SENP5: variants seen among roughly 807,000 people sequenced by gnomAD.
SENP5 encodes SUMO specific peptidase 5.
Under a neutral mutation model 74.2 loss-of-function variants are expected in SENP5, and 21 were observed. The observed-to-expected ratio is 0.28, with a 90% CI of 0.20 to 0.41. The LOEUF is 0.41. Among genes scored for constraint, SENP5 ranks in the 10% least tolerant of loss-of-function variants. The pLI, the probability that SENP5 is intolerant of heterozygous loss-of-function variation, is 1.00. For synonymous variants in SENP5, 311 were observed against 312.7 expected, an observed-to-expected ratio of 0.99 and a Z score of 0.06; for missense variants, 717 against 889.1, an observed-to-expected ratio of 0.81 and a Z score of 2.46.
intron 1 of SENP5, among the ~76,000 whole-genome samples, chr3:196,875,655 T>C (rs1386179963): frequency 6.6e-6 from 1 of 152,192 alleles, no homozygotes; most frequent in East Asian, 1.9e-4. Context: ...AATAATTTCT[T>C]CAGAGAGGTG....
rs1690733503 is a variant in SENP5 at position 196,878,763 on chromosome 3, T to C, written c.-31-6388T>C. On this transcript the variant is annotated intron_variant, in intron 1 of 9. Transcript: ENST00000323460. ...CCCGCCACCATGTCTGGCTCATTTT[T>C]GTATTTTTAGTAGAGACAAGGTTTC... Among the ~76,000 whole-genome samples the C allele has an allele frequency of 2.0e-5, 3 of 152,112 alleles. 1 individual carries two copies. The South Asian group carries it at 6.2e-4, about 32-fold the overall frequency.
At chr3:196,920,558 T>C (rs1349800460) in intron 6 of SENP5, among the ~76,000 whole-genome samples, 1 of 152,198 alleles carries the variant, frequency 6.6e-6, no homozygotes, top group African/African-American at 2.4e-5. Flanking sequence ...CTGGCTGCAG[T>C]GTTGAATAGA....
intron 2 of SENP5, among the ~76,000 whole-genome samples, chr3:196,889,123 AT>A (rs780250222): frequency 8.9e-4 from 135 of 151,960 alleles, no homozygotes; most frequent in Non-Finnish European, 1.5e-3. Context: ...CTCAAAAAAA[AT>A]AAAAATAAAT....
At chr3:196,928,927 C>A (rs1401207389) in intron 8 of SENP5, among the ~76,000 whole-genome samples, 2 of 152,184 alleles carry the variant, frequency 1.3e-5, no homozygotes, top group Non-Finnish European at 2.9e-5. Flanking sequence ...CAGTGGCTCA[C>A]ACCTGTAATC....
intron 6 of SENP5, among the ~76,000 whole-genome samples, chr3:196,905,842 T>C (rs1237332274): frequency 1.3e-5 from 2 of 152,182 alleles, no homozygotes; most frequent in Non-Finnish European, 2.9e-5. Context: ...TGGGTGGGGC[T>C]GAAAGTCACA....
intron 1 of SENP5, among the ~76,000 whole-genome samples, chr3:196,870,631 T>C (rs563824102): frequency 6.6e-6 from 1 of 152,000 alleles, no homozygotes; most frequent in Non-Finnish European, 1.5e-5. Context: ...GATTGTCCTG[T>C]CTCAGCCTCC....
Position 196,934,009 on chromosome 3 carries a change from T to C in SENP5, c.*3086T>C, listed in dbSNP as rs1443602405. On this transcript the variant is annotated 3_prime_UTR_variant, in exon 10 of 10. Transcript: ENST00000323460. ...TCCTCTCCTCAGCAGACGCATCAGG[T>C]TGTAGTTGCATCTTTACAGTGGTCT... 1.3e-5 allele frequency: 2 copies of C among 152,186 alleles called. No homozygotes were observed. Among genetic ancestry groups the C allele is most frequent in the African/African-American group, 4.8e-5 (2 of 41,430 alleles). 9.4% of individuals were successfully genotyped at this position (152,186 alleles called of 1,614,324 possible).
chr3:196,893,383 T>A (rs1351419485), intron 2 of SENP5, among the ~76,000 whole-genome samples: 1 of 152,222 alleles, frequency 6.6e-6, no homozygotes, highest in Admixed American at 6.5e-5. Context: ...AAAAGTTAGA[T>A]GAAAATTTAA....
At position 196,886,273 on chromosome 3, in the gene SENP5, T is replaced by C. The variant is rs769370353; in HGVS notation, c.1092T>C (p.Pro364=). Residue 364 remains proline (P), a synonymous_variant, in exon 2 of 10, where the codon CCT becomes CCC. Coordinates refer to ENST00000323460, the MANE Select transcript of SENP5 (RefSeq NM_152699.5). ...NAWDQSSCSS[P]KWECTELIHD... Reference sequence around the variant, plus strand: ...GGGACCAGTCATCCTGTTCTTCTCCTAAGTGGGAGTGTACAGAGCTGATTC... The same window carrying C: ...GGGACCAGTCATCCTGTTCTTCTCCCAAGTGGGAGTGTACAGAGCTGATTC... 3 of 1,614,028 alleles carry C rather than the reference T, an allele frequency of 1.9e-6. No homozygotes were observed. The highest frequency in any genetic ancestry group is 2.5e-6 in the Non-Finnish European group (3 of 1,180,010).
At chr3:196,874,544 C>G (rs928859754) in intron 1 of SENP5, among the ~76,000 whole-genome samples, 40 of 152,184 alleles carry the variant, frequency 2.6e-4, no homozygotes, top group African/African-American at 9.6e-4. Context: ...GACCTTATCT[C>G]CCTGGTCATT....
At chr3:196,887,879 T>A (rs1714041800) in intron 2 of SENP5, among the ~76,000 whole-genome samples, 1 of 152,148 alleles carries the variant, frequency 6.6e-6, no homozygotes, top group Non-Finnish European at 1.5e-5. Context: ...GCAGTTCTCC[T>A]GCCTCAGCCT....
chr3:196,874,899 G>T (rs546241019), intron 1 of SENP5, among the ~76,000 whole-genome samples: 1 of 151,970 alleles, frequency 6.6e-6, no homozygotes, highest in East Asian at 1.9e-4. Flanking sequence ...GAGTTCCTTG[G>T]GCTATTGCCC....
At chr3:196,910,883 C>T (rs939011563) in intron 6 of SENP5, among the ~76,000 whole-genome samples, 1 of 152,080 alleles carries the variant, frequency 6.6e-6, no homozygotes, top group Non-Finnish European at 1.5e-5. Flanking sequence ...GCATATAGAC[C>T]AATGGAACAG....
At position 196,886,175 on chromosome 3, in the gene SENP5, T is replaced by C. The variant is rs1560143368; in HGVS notation, c.994T>C (p.Ser332Pro). Residue 332 changes from serine (S) to proline (P), a missense_variant, in exon 2 of 10, where the codon TCT (serine) becomes CCT (proline). This residue lies in a region of SENP5 where 567 missense variants were observed against 577.4 expected (regional missense o/e 0.98). Coordinates refer to ENST00000323460, the MANE Select transcript of SENP5 (RefSeq NM_152699.5). ...HVPDCHTKGS[S>P]FLGKELSLDE... The stretch of plus-strand genomic sequence containing the variant: ...GCCTGATTGCCACACTAAAGGAAGC[T>C]CTTTCTTGGGCAAGGAGCTTAGTTT... 1 of 1,614,174 alleles carries C rather than the reference T, an allele frequency of 6.2e-7. No homozygotes were observed. The highest frequency in any genetic ancestry group is 2.2e-5 in the East Asian group (1 of 44,880).
At chr3:196,919,199 G>C (rs868418555) in intron 6 of SENP5, among the ~76,000 whole-genome samples, 1 of 152,292 alleles carries the variant, frequency 6.6e-6, no homozygotes, top group Middle Eastern at 3.4e-3. Flanking sequence ...ATCAACAAAG[G>C]GCCAGGTGCA....
At chr3:196,883,404 A>G (rs1713811989) in intron 1 of SENP5, among the ~76,000 whole-genome samples, 1 of 152,112 alleles carries the variant, frequency 6.6e-6, no homozygotes, top group African/African-American at 2.4e-5. Flanking sequence ...ATGGAAGCTG[A>G]GTGGGGAAGG....
chr3:196,886,711 T>C lies in SENP5; in HGVS notation c.1513+17T>C. The C allele has an allele frequency of 6.6e-7, 1 of 1,510,956 alleles. No homozygotes were observed. Among genetic ancestry groups the C allele is most frequent in the African/African-American group, 1.4e-5 (1 of 71,736 alleles). The allele number at this position is 1,510,956 out of a possible 1,614,324, so 93.6% of individuals were successfully genotyped here. ...GTCTTTCTGGTATGCACTTTTCCTTTATTCTCCCTCAAACTCCAAGCTCAC... is the reference window on the plus strand; with the variant it reads ...GTCTTTCTGGTATGCACTTTTCCTTCATTCTCCCTCAAACTCCAAGCTCAC... On this transcript the variant is annotated intron_variant, in intron 2 of 9. Transcript: ENST00000323460.
rs1406403801 is a variant in SENP5, at chr3:196,931,153, A to G, written c.*230A>G. ...AATTTTATGGTTCTGTGCGTCCCCC[A>G]TATTTAATATTTATTATTCAAACGC... On this transcript the variant is annotated 3_prime_UTR_variant, in exon 10 of 10. Transcript: ENST00000323460. 1.7e-5 allele frequency: 8 copies of G among 471,536 alleles called. No homozygotes were observed. The highest frequency in any genetic ancestry group is 2.7e-5 in the Non-Finnish European group (7 of 261,684). The allele number at this position is 471,536 out of a possible 1,614,324, so 29.2% of individuals were successfully genotyped here.
intron 6 of SENP5, chr3:196,914,582 AAAAAAT>A (rs1163425234): frequency 1.6e-3 from 107 of 65,884 alleles, no homozygotes; most frequent in African/African-American, 6.9e-3. Flanking sequence ...AAAAAAAAAA[AAAAAAT>A]ATATATATAT....
Sources: gnomAD v4.1 joint callset for allele counts (sites outside exome capture counted in the v4.1 genomes callset) on GRCh38, gnomAD v4.1.1 for gene constraint, gnomAD v4.1.1 regional missense constraint, MANE v1.5 for transcripts, NCBI Gene and HGNC (gene_info 2026-07-23, HGNC 2026-07-21) for gene names.